ACIN1: variants seen among roughly 807,000 people sequenced by gnomAD.
ACIN1 encodes the protein apoptotic chromatin condensation inducer 1.
Under a neutral mutation model 146.6 loss-of-function variants are expected in ACIN1, and 16 were observed. That is an observed-to-expected ratio of 0.11 (90% CI 0.07 to 0.17). The LOEUF (loss-of-function observed/expected upper bound fraction) is 0.17, where lower values mean the gene tolerates loss of function less well. Ranked by LOEUF, ACIN1 falls within the 10% of genes least tolerant of loss-of-function variation. The probability of loss-of-function intolerance (pLI) is 1.00; values close to 1 mark genes in which losing one functional copy is unlikely to be tolerated. For synonymous variants in ACIN1, 569 were observed against 582.7 expected, an observed-to-expected ratio of 0.98 and a Z score of 0.34; for missense variants, 1,357 against 1,609.3, an observed-to-expected ratio of 0.84 and a Z score of 2.68.
In ACIN1 at chr14:23,080,311, A is replaced by G. The variant is rs1384767678; in HGVS notation, c.1024T>C (p.Ser342Pro). The G allele has an allele frequency of 6.2e-7, 1 of 1,614,162 alleles. No individual in the cohort carries two copies. Among genetic ancestry groups the G allele is most frequent in the African/African-American group, 1.3e-5 (1 of 75,036 alleles). ...PRLTEDRKKA[S>P]LVALPEQTAS... Reference sequence around the variant, plus strand: ...GTTTGCTCTGGCAGCGCTACAAGTGAGGCCTTCTTTCGATCTTCAGTCAGT... The same window carrying G: ...GTTTGCTCTGGCAGCGCTACAAGTGGGGCCTTCTTTCGATCTTCAGTCAGT... The change falls in exon 6 of 19, where the codon TCA becomes CCA. Residue 342 changes from serine (S) to proline (P), a missense_variant. Physicochemically the swap from Ser to Pro is moderately conservative, Grantham distance 74 (BLOSUM62 -1). Transcript: ENST00000605057.
Position 23,090,112 on chromosome 14 carries a change from C to T in ACIN1, c.317-11G>A, listed in dbSNP as rs2140232931. ...ACTCAGCTGAAGCTTCTGCAAAGTA[C>T]AGATCGGGTCGGGGCAGGGAGGGAG... On this transcript the variant is annotated splice_polypyrimidine_tract_variant and intron_variant, in intron 3 of 18. Coordinates refer to ENST00000605057, the MANE Select transcript of ACIN1 (RefSeq NM_001386863.1). 1 of 1,612,656 alleles carries T rather than the reference C, an allele frequency of 6.2e-7. No homozygotes were observed. Among genetic ancestry groups the T allele is most frequent in the Admixed American group, 1.7e-5 (1 of 59,914 alleles).
rs761767455 is a variant in ACIN1, at chr14:23,080,157, T to G, written c.1178A>C (p.Gln393Pro). The change falls in exon 6 of 19, where the codon CAG becomes CCG. Residue 393 changes from glutamine to proline, a missense_variant. Transcript: ENST00000605057. ...AGCATCTGTATTAGGAGGAGATAAC[T>G]GAATGAGGACAGCGGGGGCTGGGCC... ...MEGPAPAVLIQLSPPNTDADT... is the reference protein window; with the variant it reads ...MEGPAPAVLIPLSPPNTDADT... 1.2e-6 allele frequency: 2 copies of G among 1,614,020 alleles called. No homozygotes were observed. Among genetic ancestry groups the G allele is most frequent in the African/African-American group, 2.7e-5 (2 of 74,910 alleles).
intron 8 of ACIN1, among the ~76,000 whole-genome samples, chr14:23,072,706 A>G (rs1368566455): frequency 6.6e-6 from 1 of 152,230 alleles, no homozygotes; most frequent in Non-Finnish European, 1.5e-5. Context: ...TAAGCTAGGA[A>G]TGAAATTTTC....
Position 23,067,359 on chromosome 14 carries a change from C to CA in ACIN1, c.2266-1352_2266-1351insT. 2.0e-6 allele frequency: 2 copies of CA among 985,818 alleles called. No individual in the cohort carries two copies. The highest frequency in any genetic ancestry group is 2.4e-6 in the Non-Finnish European group (2 of 829,936). The allele number at this position is 985,818 out of a possible 1,614,324, so 61.1% of individuals were successfully genotyped here. A position where few individuals can be genotyped will look rare whatever the true frequency, so the allele number is the denominator to read the frequency against. On this transcript the variant is annotated intron_variant, in intron 9 of 18. Coordinates refer to ENST00000605057, the MANE Select transcript of ACIN1 (RefSeq NM_001386863.1). The surrounding 1 kb of genome is among the most constrained non-coding windows in gnomAD (Gnocchi z 4.6). The stretch of plus-strand genomic sequence containing the variant: ...AATCGCACCTCACTGTGTACTGTAT[C>CA]TAGTCAACCGCCGGTCCAATCAGAA...
intron 14 of ACIN1, 86 bp from the exon 15 acceptor site, chr14:23,062,609 GTA>G: frequency 7.6e-7 from 1 of 1,309,178 alleles, no homozygotes; most frequent in Non-Finnish European, 1.1e-6. Context: ...TGTCACAGGA[GTA>G]TAGTTTCAAG....
chr14:23,084,351 A>G (rs1031467397), intron 4 of ACIN1, among the ~76,000 whole-genome samples: 3 of 152,232 alleles, frequency 2.0e-5, no homozygotes, highest in Admixed American at 2.0e-4. Flanking sequence ...TCATGCCTGT[A>G]ATCTCAGCAC....
At chr14:23,090,288 C>T (rs139344877) in intron 3 of ACIN1, among the ~76,000 whole-genome samples, 187 bp from the exon 4 acceptor site, 4 of 152,342 alleles carry the variant, frequency 2.6e-5, no homozygotes, top group South Asian at 4.1e-4. Context: ...GCTTAATTTA[C>T]TTATAACTCT....
chr14:23,079,895 C>T lies in ACIN1; in HGVS notation c.1440G>A (p.Leu480=), dbSNP rs143505263. The part of the protein sequence containing the change: ...PLPLKIEELA[L]AKGITEECLK... ...GACATTCTTCAGTGATTCCTTTGGC[C>T]AGTGCTAATTCCTCAATTTTTAGAG... Residue 480 remains leucine (L), a synonymous_variant, in exon 6 of 19, where the codon CTG becomes CTA. Coordinates refer to ENST00000605057, the MANE Select transcript of ACIN1 (RefSeq NM_001386863.1). 5 of 1,614,188 alleles carry T rather than the reference C, an allele frequency of 3.1e-6. No individual in the cohort carries two copies. Among genetic ancestry groups the T allele is most frequent in the Middle Eastern group, 1.6e-4 (1 of 6,062 alleles).
intron 2 of ACIN1, among the ~76,000 whole-genome samples, chr14:23,091,567 GAA>G (rs779774943): frequency 0.41 from 36,124 of 88,512 alleles, 4,726 homozygotes; most frequent in South Asian, 0.52. Flanking sequence ...TCCATCTCAA[GAA>G]AAAAAAAAAA....
chr14:23,062,882 A>G, intron 14 of ACIN1, 47 bp downstream of exon 14: 3 of 1,560,098 alleles, frequency 1.9e-6, no homozygotes, highest in Non-Finnish European at 2.6e-6. Context: ...CCTAAAGCTC[A>G]AACTTAACCA....
At position 23,090,704 on chromosome 14, in the gene ACIN1, G is replaced by T. The variant is rs188429017; in HGVS notation, c.205-71C>A. ...GAGAATGCAAAGAAGAACATTCCAT[G>T]GAGCAAAGGTCCACTCCTTATAGTT... On this transcript the variant is annotated intron_variant, in intron 2 of 18. Transcript: ENST00000605057. The T allele has an allele frequency of 1.5e-5, 18 of 1,218,412 alleles. No homozygotes were observed. The East Asian group carries it at 3.8e-4, about 26-fold the overall frequency. The allele number at this position is 1,218,412 out of a possible 1,614,324, so 75.5% of individuals were successfully genotyped here.
chr14:23,065,011 A>T (rs1427014113), intron 10 of ACIN1, among the ~76,000 whole-genome samples: 1 of 152,214 alleles, frequency 6.6e-6, no homozygotes, highest in Non-Finnish European at 1.5e-5. Flanking sequence ...AGCCGTTTAA[A>T]CTTTTAATGG....
intron 4 of ACIN1, among the ~76,000 whole-genome samples, chr14:23,082,982 C>T (rs535809475): frequency 1.8e-3 from 258 of 146,642 alleles, no homozygotes; most frequent in Non-Finnish European, 3.4e-3. Flanking sequence ...CAAGCAATCC[C>T]CCCGCCTTGG....
chr14:23,073,943 A>G (rs1255707895), intron 8 of ACIN1, among the ~76,000 whole-genome samples: 1 of 147,916 alleles, frequency 6.8e-6, no homozygotes, highest in Non-Finnish European at 1.5e-5. Flanking sequence ...GGTTCACACC[A>G]TTCTCCTGCC....
intron 13 of ACIN1, 64 bp from the exon 14 acceptor site, chr14:23,063,138 T>C (rs1463254206): frequency 5.3e-6 from 8 of 1,496,832 alleles, no homozygotes; most frequent in Admixed American, 2.2e-5. Context: ...TCACCCTCAA[T>C]GTAACTCTCA....
chr14:23,091,826 G>A lies in ACIN1; in HGVS notation c.205-1193C>T, dbSNP rs370668285. On this transcript the variant is annotated intron_variant, in intron 2 of 18. Coordinates refer to ENST00000605057, the MANE Select transcript of ACIN1 (RefSeq NM_001386863.1). ...TTTAGTATAGACGGGGTTTTGCCAT[G>A]TTGGCCAGGCTGGTCTCAAACTCCT... Among the ~76,000 whole-genome samples the A allele has an allele frequency of 3.8e-4, 58 of 152,172 alleles. No individual in the cohort carries two copies. The East Asian group carries it at 0.01, about 26-fold the overall frequency.
chr14:23,095,220 C>G (rs749085428), upstream of ACIN1: 4 of 1,613,924 alleles, frequency 2.5e-6, no homozygotes, highest in Non-Finnish European at 3.4e-6. Flanking sequence ...CCATACTCTA[C>G]CCCTCGATTA....
intron 1 of ACIN1, 45 bp from the exon 2 acceptor site, chr14:23,093,589 AG>A: frequency 2.0e-6 from 3 of 1,535,490 alleles, no homozygotes; most frequent in Non-Finnish European, 2.7e-6. Context: ...AGGAAAAAAA[AG>A]AAAAACAAAC....
rs2047483082 is a variant in ACIN1, at chr14:23,067,106, C to T, written c.2266-1098G>A. On this transcript the variant is annotated intron_variant, in intron 9 of 18. Transcript: ENST00000605057. The surrounding 1 kb of genome is among the most constrained non-coding windows in gnomAD (Gnocchi z 4.6). ...GCCAGCCTGACCCCTAGCTGGGCCG[C>T]TCTCGATGGGTAAGTTAGTGAGAAA... Among the ~76,000 whole-genome samples the T allele has an allele frequency of 6.6e-6, 1 of 151,256 alleles. No individual in the cohort carries two copies. Among genetic ancestry groups the T allele is most frequent in the Admixed American group, 6.6e-5 (1 of 15,150 alleles).
Sources: allele counts gnomAD v4.1 joint callset (sites outside exome capture counted in the v4.1 genomes callset), GRCh38; gene constraint gnomAD v4.1.1; non-coding constraint Gnocchi (gnomAD v3.1); transcripts MANE v1.5; gene names NCBI Gene and HGNC (gene_info 2026-07-23, HGNC 2026-07-21).